Variants in HMSD observed in about 807,000 individuals in gnomAD.
HMSD encodes histocompatibility minor serpin domain containing.
Under a neutral mutation model 10.0 loss-of-function variants are expected in HMSD, and 13 were observed. The ratio of observed to expected loss-of-function variants is 1.31; its 90% CI spans 0.85 to 2.08. The LOEUF is 2.08. HMSD is among the 30% of genes most tolerant of loss of function. The pLI is 0.00. For synonymous variants in HMSD, 51 were observed against 54.2 expected, an observed-to-expected ratio of 0.94 and a Z score of 0.26; for missense variants, 169 against 166.3, an observed-to-expected ratio of 1.02 and a Z score of -0.09.
At chr18:63,954,804 GA>G (rs1422072973) in intron 3 of HMSD, among the ~76,000 whole-genome samples, 1 of 152,198 alleles carries the variant, frequency 6.6e-6, no homozygotes, top group African/African-American at 2.4e-5. Context: ...TAACACAGTT[GA>G]AAATGAATCA....
At chr18:63,956,785 A>G (rs2050360836) in intron 3 of HMSD, among the ~76,000 whole-genome samples, 1 of 152,238 alleles carries the variant, frequency 6.6e-6, no homozygotes, top group Non-Finnish European at 1.5e-5. Flanking sequence ...TGTTCATTGC[A>G]GCACTATTCA....
rs1048263135 is a variant in HMSD at position 63,960,549 on chromosome 18, C to T, written c.*194C>T. 2.4e-5 allele frequency: 19 copies of T among 786,542 alleles called. No individual in the cohort carries two copies. The highest frequency in any genetic ancestry group is 4.3e-5 in the East Asian group (1 of 23,448). 48.7% of individuals were successfully genotyped at this position (786,542 alleles called of 1,614,324 possible). The stretch of plus-strand genomic sequence containing the variant: ...AGGTAGTTTTTCTTTTCACAAATAG[C>T]GTTAAAATTTGAATTTAAAAATTTC... On this transcript the variant is annotated 3_prime_UTR_variant, in exon 4 of 4. Coordinates refer to ENST00000408945, the MANE Select transcript of HMSD (RefSeq NM_001123366.2).
downstream of HMSD, chr18:63,966,395 T>C (rs985351869): frequency 6.6e-5 from 10 of 152,152 alleles, no homozygotes; most frequent in African/African-American, 2.2e-4. Flanking sequence ...ATTGTTTGAA[T>C]AAAGAGAAGT....
intron 1 of HMSD, among the ~76,000 whole-genome samples, chr18:63,951,103 A>C (rs72943538): frequency 0.066 from 10,075 of 152,280 alleles, 392 homozygotes; most frequent in African/African-American, 0.084. Context: ...ATCTAGTTTA[A>C]CAGATTTATA....
At chr18:63,954,381 G>T in intron 2 of HMSD, 27 bp from the exon 3 acceptor site, 1 of 1,558,362 alleles carries the variant, frequency 6.4e-7, no homozygotes, top group Non-Finnish European at 8.8e-7. Flanking sequence ...CTGAGAATGT[G>T]TATGTTTATT....
intron 1 of HMSD, among the ~76,000 whole-genome samples, chr18:63,952,864 G>C (rs530230851): frequency 6.6e-6 from 1 of 152,052 alleles, no homozygotes; most frequent in South Asian, 2.1e-4. Flanking sequence ...TGAAAATATT[G>C]GTGTCCCAAT....
chr18:63,951,495 A>G (rs2050330365), intron 1 of HMSD, among the ~76,000 whole-genome samples: 1 of 152,238 alleles, frequency 6.6e-6, no homozygotes, highest in African/African-American at 2.4e-5. Flanking sequence ...GATTACTCAT[A>G]TGTGGTTGAG....
rs760232046 is a variant in HMSD, at chr18:63,953,408, T to A, written c.-48T>A. 30 of 1,499,070 alleles carry A rather than the reference T, an allele frequency of 2.0e-5. No individual in the cohort carries two copies. Among genetic ancestry groups the A allele is most frequent in the Admixed American group, 3.5e-5 (2 of 57,350 alleles). 92.9% of individuals were successfully genotyped at this position (1,499,070 alleles called of 1,614,324 possible). ...CAAATGGCACATTTGCATTAAACCT[T>A]TTGAAAAAGCTAGGGGAAAACAACT... On this transcript the variant is annotated 5_prime_UTR_variant, in exon 2 of 4. Transcript: ENST00000408945.
downstream of HMSD, among the ~76,000 whole-genome samples, chr18:63,962,886 G>A (rs2144765253): frequency 6.6e-6 from 1 of 152,164 alleles, no homozygotes; most frequent in Admixed American, 6.5e-5. Context: ...ACTTGAGGGA[G>A]GTTTCCAGTC....
chr18:63,967,620 CA>C (rs1488092943), intron 3 of HMSD, among the ~76,000 whole-genome samples: 1 of 152,168 alleles, frequency 6.6e-6, no homozygotes, highest in African/African-American at 2.4e-5. Context: ...CTGAGGTCCA[CA>C]AAGTCAGGAG....
rs111230594 is a variant in HMSD, at chr18:63,956,523, C to T, written c.222+1966C>T. On this transcript the variant is annotated intron_variant, in intron 3 of 3. Coordinates refer to ENST00000408945, the MANE Select transcript of HMSD (RefSeq NM_001123366.2). ...TCATTAGAGAAATTCAAATCAAAAC[C>T]ATGATGAGATACCATCTCACACCAT... Among the ~76,000 whole-genome samples the T allele has an allele frequency of 7.8e-3, 1,192 of 152,222 alleles. 15 individuals are homozygous for T. Among genetic ancestry groups the T allele is most frequent in the African/African-American group, 0.027 (1,121 of 41,528 alleles).
At chr18:63,965,080 A>T (rs1426331742), downstream of HMSD, among the ~76,000 whole-genome samples, 1 of 152,208 alleles carries the variant, frequency 6.6e-6, no homozygotes, top group African/African-American at 2.4e-5. Context: ...ACACTGCCTG[A>T]TGTAACTGAA....
At chr18:63,956,177 C>T (rs2144759545) in intron 3 of HMSD, among the ~76,000 whole-genome samples, 1 of 152,144 alleles carries the variant, frequency 6.6e-6, no homozygotes, top group Admixed American at 6.5e-5. Flanking sequence ...TATTTTATGA[C>T]AAAGATGCCA....
chr18:63,958,938 C>G (rs1284506168), intron 3 of HMSD, among the ~76,000 whole-genome samples: 1 of 152,046 alleles, frequency 6.6e-6, no homozygotes, highest in Non-Finnish European at 1.5e-5. Context: ...TTAATCCTCA[C>G]TCAACAAATT....
At position 63,953,523 on chromosome 18, in the gene HMSD, C is replaced by T. The variant is rs541971946; in HGVS notation, c.68C>T (p.Ser23Phe). ...GAKGNTAAQM[S>F]QALCFSKIGG... is the part of the protein sequence containing the mutation. ...AAGGGAAACACTGCAGCTCAGATGT[C>T]TCAGGTACGTAAAGCCACTTCAAGA... The change falls in exon 2 of 4, where the codon TCT becomes TTT. Residue 23 changes from serine to phenylalanine, a missense_variant. Physicochemically the swap from Ser to Phe is radical, Grantham distance 155. Transcript: ENST00000408945. The T allele has an allele frequency of 1.9e-6, 3 of 1,613,232 alleles. No homozygotes were observed. The highest frequency in any genetic ancestry group is 2.2e-5 in the East Asian group (1 of 44,868).
intron 1 of HMSD, 36 bp from the exon 2 acceptor site, chr18:63,953,318 A>G (rs2046911892): frequency 3.2e-6 from 2 of 631,130 alleles, no homozygotes; most frequent in Non-Finnish European, 5.7e-6. Flanking sequence ...GTAAGCCTAT[A>G]TTAATGTAAT....
chr18:63,955,127 C>T (rs746457524), intron 3 of HMSD, among the ~76,000 whole-genome samples: 2 of 152,304 alleles, frequency 1.3e-5, no homozygotes, highest in African/African-American at 2.4e-5. Context: ...CCCTTTTTAA[C>T]GTTAGAGCTT....
At chr18:63,968,644 T>G (rs1359320750) in intron 3 of HMSD, 1 of 152,262 alleles carries the variant, frequency 6.6e-6, no homozygotes, top group African/African-American at 2.4e-5. Flanking sequence ...GCATTTTTCA[T>G]CTTTTAATCT....
chr18:63,963,419 C>T (rs954365648), downstream of HMSD, among the ~76,000 whole-genome samples: 3 of 151,832 alleles, frequency 2.0e-5, no homozygotes, highest in African/African-American at 2.4e-5. Flanking sequence ...TTAGTAGAGA[C>T]GGGGTTTCAC....
Sources: gnomAD v4.1 joint callset for allele counts (sites outside exome capture counted in the v4.1 genomes callset) on GRCh38, gnomAD v4.1.1 for gene constraint, MANE v1.5 for transcripts, NCBI Gene and HGNC (gene_info 2026-07-23, HGNC 2026-07-21) for gene names.